Variants in DNAH14 observed in about 807,000 individuals in gnomAD.
The protein encoded by DNAH14 is axonemal beta dynein heavy chain 14.
In DNAH14, 478 loss-of-function variants were observed where a neutral mutation model predicts 520.9. The ratio of observed to expected loss-of-function variants is 0.92; its 90% confidence interval spans 0.85 to 0.99. The LOEUF (loss-of-function observed/expected upper bound fraction) is 0.99, where lower values mean the gene tolerates loss of function less well. Among genes scored for constraint, DNAH14 ranks in the 50% least tolerant of loss-of-function variants. The probability of loss-of-function intolerance (pLI) is 0.00; values close to 1 mark genes in which losing one functional copy is unlikely to be tolerated. For synonymous variants in DNAH14, 1,581 were observed against 1,757.2 expected (o/e 0.90, Z 2.51); for missense variants, 4,831 against 5,234.5 (o/e 0.92, Z 2.38).
chr1:225,344,083 C>G (rs6699589), intron 69 of DNAH14, among the ~76,000 whole-genome samples: 17,259 of 151,928 alleles, frequency 0.11, 1,165 homozygotes, highest in East Asian at 0.26. Flanking sequence ...GTAGTAGAGT[C>G]TGGGGTATTT....
At chr1:224,942,187 G>C (rs1445631142) in intron 1 of DNAH14, among the ~76,000 whole-genome samples, 6 of 152,202 alleles carry the variant, frequency 3.9e-5, no homozygotes, top group Non-Finnish European at 4.4e-5. Context: ...ATTTCATTGA[G>C]CAGTGGTTTG....
At chr1:225,087,005 C>G (rs1277517619) in intron 21 of DNAH14, among the ~76,000 whole-genome samples, 1 of 126,918 alleles carries the variant, frequency 7.9e-6, no homozygotes, top group Non-Finnish European at 1.8e-5. Context: ...CACACACACA[C>G]ACACACACAC....
chr1:225,047,600 C>G (rs1051913920), intron 15 of DNAH14, among the ~76,000 whole-genome samples: 1 of 152,172 alleles, frequency 6.6e-6, no homozygotes, highest in African/African-American at 2.4e-5. Flanking sequence ...GATAGTCACA[C>G]AATGATGAAA....
intron 49 of DNAH14, among the ~76,000 whole-genome samples, chr1:225,269,598 T>A (rs970186818): frequency 5.3e-5 from 8 of 152,206 alleles, no homozygotes; most frequent in African/African-American, 1.9e-4. Flanking sequence ...AGGGCTAATA[T>A]CCAGAATCTA....
intron 81 of DNAH14, among the ~76,000 whole-genome samples, chr1:225,385,193 A>C (rs1297053844): frequency 6.6e-6 from 1 of 152,218 alleles, no homozygotes; most frequent in South Asian, 2.1e-4. Context: ...TCATGCTAAA[A>C]ACTCTCAATA....
At chr1:225,173,734 A>G (rs568128434) in intron 36 of DNAH14, among the ~76,000 whole-genome samples, 10 of 152,306 alleles carry the variant, frequency 6.6e-5, no homozygotes, top group African/African-American at 2.4e-4. Flanking sequence ...TAGAAATACC[A>G]TTTGACCCAG....
rs2080034895 is a variant in DNAH14 at position 225,147,219 on chromosome 1, T to C, written c.4910T>C (p.Ile1637Thr). Residue 1637 changes from isoleucine to threonine, a missense_variant, in exon 31 of 86, where the codon ATT becomes ACT. Physicochemically the swap from Ile to Thr is moderately conservative, Grantham distance 89. Transcript: ENST00000682510. Reference sequence around the variant, plus strand: ...GTCATTGCCTCACAGATCCTAACAATTAAGGCTGCAAAAGACAACTATTCT... The same window carrying C: ...GTCATTGCCTCACAGATCCTAACAACTAAGGCTGCAAAAGACAACTATTCT... ...LSVIASQILTIKAAKDNYSAR... is the reference protein window; with the variant it reads ...LSVIASQILTTKAAKDNYSAR... 1.3e-6 allele frequency: 2 copies of C among 1,536,348 alleles called. No homozygotes were observed. The highest frequency in any genetic ancestry group is 1.8e-6 in the Non-Finnish European group (2 of 1,135,336).
chr1:225,023,904 TATA>T, intron 11 of DNAH14, 39 bp downstream of exon 11: 1 of 1,490,016 alleles, frequency 6.7e-7, no homozygotes. Context: ...AACTTACAAT[TATA>T]ATATTTTAAC....
intron 66 of DNAH14, among the ~76,000 whole-genome samples, chr1:225,335,932 T>A (rs1374548692): frequency 8.4e-6 from 1 of 119,144 alleles, no homozygotes; most frequent in African/African-American, 2.9e-5. Flanking sequence ...CACATATACC[T>A]ATATATACAT....
At chr1:225,088,486 A>G (rs1445092165) in intron 21 of DNAH14, among the ~76,000 whole-genome samples, 2 of 152,204 alleles carry the variant, frequency 1.3e-5, no homozygotes, top group African/African-American at 2.4e-5. Context: ...ACATAGGTAG[A>G]AAGAGAAATG....
intron 27 of DNAH14, among the ~76,000 whole-genome samples, chr1:225,138,918 C>T (rs534649316): frequency 2.0e-5 from 3 of 152,238 alleles, no homozygotes; most frequent in East Asian, 1.9e-4. Context: ...AATTCCTCTC[C>T]GTGAGTGTCG....
At chr1:224,946,939 A>G (rs2059882114) in intron 1 of DNAH14, among the ~76,000 whole-genome samples, 1 of 121,882 alleles carries the variant, frequency 8.2e-6, no homozygotes, top group Non-Finnish European at 1.7e-5. Flanking sequence ...TTTTTTTGAG[A>G]CAGAGTCTTG....
intron 35 of DNAH14, among the ~76,000 whole-genome samples, chr1:225,160,206 G>A (rs2081387707): frequency 6.6e-6 from 1 of 151,896 alleles, no homozygotes. Context: ...TTTCTTCCCT[G>A]TTCTTTCTAC....
intron 39 of DNAH14, among the ~76,000 whole-genome samples, chr1:225,204,519 G>T (rs1299298193): frequency 6.6e-6 from 1 of 151,950 alleles, no homozygotes; most frequent in Non-Finnish European, 1.5e-5. Context: ...GTTTATAAAA[G>T]AACCAAGTGG....
chr1:225,332,819 T>C lies in DNAH14; in HGVS notation c.9865-472T>C, dbSNP rs570392073. Among the ~76,000 whole-genome samples the C allele has an allele frequency of 5.3e-5, 7 of 131,622 alleles. No individual in the cohort carries two copies. In the South Asian group the frequency reaches 1.7e-3, roughly 32 times the overall value. The allele number at this position is 131,622 out of a possible 152,430, so 86.3% of individuals were successfully genotyped here. Reference sequence around the variant, plus strand: ...AGACCAACCGGGCAATGTAGCAAGATCCTGTCTCTACAAAAAAAAAAAAAA... The same window carrying C: ...AGACCAACCGGGCAATGTAGCAAGACCCTGTCTCTACAAAAAAAAAAAAAA... On this transcript the variant is annotated intron_variant, in intron 65 of 85. Coordinates refer to ENST00000682510, the MANE Select transcript of DNAH14 (RefSeq NM_001367479.1).
At chr1:225,067,440 T>C (rs2148465255) in intron 17 of DNAH14, among the ~76,000 whole-genome samples, 1 of 152,272 alleles carries the variant, frequency 6.6e-6, no homozygotes, top group East Asian at 1.9e-4. Flanking sequence ...TATGCATGTG[T>C]CTTTATAATA....
intron 44 of DNAH14, 81 bp from the exon 45 acceptor site, chr1:225,257,879 C>T: frequency 8.9e-7 from 1 of 1,124,364 alleles, no homozygotes. Flanking sequence ...ATAAAATAAT[C>T]CTAATGACAA....
At chr1:225,147,069 A>C in intron 30 of DNAH14, 35 bp from the exon 31 acceptor site, 1 of 1,447,454 alleles carries the variant, frequency 6.9e-7, no homozygotes, top group Non-Finnish European at 9.3e-7. Context: ...CCATTATAAT[A>C]ATTTTAGTAA....
At chr1:225,253,259 A>C (rs945786387) in intron 44 of DNAH14, among the ~76,000 whole-genome samples, 1 of 150,370 alleles carries the variant, frequency 6.7e-6, no homozygotes, top group Non-Finnish European at 1.5e-5. Context: ...ATTGACTGAC[A>C]GCCTTAGCTT....
Sources: allele counts gnomAD v4.1 joint callset (sites outside exome capture counted in the v4.1 genomes callset), GRCh38; gene constraint gnomAD v4.1.1; transcripts MANE v1.5; gene names NCBI Gene and HGNC (gene_info 2026-07-23, HGNC 2026-07-21).